RFPL4A: variants seen among roughly 807,000 people sequenced by gnomAD.
RFPL4A encodes the protein ret finger protein like 4A.
A neutral mutation model predicts 8.3 loss-of-function variants in RFPL4A; 4 were observed. The ratio of observed to expected loss-of-function variants is 0.48; its 90% confidence interval spans 0.24 to 1.10. RFPL4A has a LOEUF of 1.10. RFPL4A is among the 50% of genes least tolerant of loss of function. The pLI is 0.18. For missense variants in RFPL4A, 111 were observed against 358.7 expected (o/e 0.31, Z 5.58); for synonymous variants, 43 against 136.6 (o/e 0.31, Z 4.78).
chr19:55,759,728 T>G lies in RFPL4A; in HGVS notation c.-10+553T>G, dbSNP rs529712187. Reference sequence around the variant, plus strand: ...TTTTGAGACAGGGTCTCGCTCTGTCTGCCAGGCTGGAGTGCAGTGGCTATT... The same window carrying G: ...TTTTGAGACAGGGTCTCGCTCTGTCGGCCAGGCTGGAGTGCAGTGGCTATT... On this transcript the variant is annotated intron_variant, in intron 1 of 2. Transcript: ENST00000434937. 9.2e-5 allele frequency among the ~76,000 whole-genome samples: 14 copies of G among 151,562 alleles called. No homozygotes were observed. The East Asian group carries it at 2.8e-3, about 30-fold the overall frequency.
At position 55,759,886 on chromosome 19, in the gene RFPL4A, T is replaced by C. The variant is rs796628008; in HGVS notation, c.-10+711T>C. 2.6e-5 allele frequency among the ~76,000 whole-genome samples: 4 copies of C among 151,742 alleles called. 1 individual carries two copies. The highest frequency in any genetic ancestry group is 7.3e-5 in the African/African-American group (3 of 41,282). On this transcript the variant is annotated intron_variant, in intron 1 of 2. Transcript: ENST00000434937. ...CATCCACATTGGTGCAATGCCAGAA[T>C]TGCCTTCTTTTTTATGGTAGAATAA...
rs1989293127 is a variant in RFPL4A, at chr19:55,761,943, T to C, written c.143T>C (p.Leu48Pro). The stretch of plus-strand genomic sequence containing the variant: ...AAGGAGCCCGATGGGGAAGGTTTAC[T>C]GTGCCGTTTCTGCTCTGTGGTCTCT... ...LQKEPDGEGL[L>P]CRFCSVVSQK... Residue 48 changes from leucine to proline, a missense_variant, in exon 2 of 3, where the codon CTG (leucine) becomes CCG (proline). Physicochemically the swap from Leu to Pro is moderately conservative, Grantham distance 98. Transcript: ENST00000434937. 1.3e-6 allele frequency: 2 copies of C among 1,515,904 alleles called. No individual in the cohort carries two copies. Among genetic ancestry groups the C allele is most frequent in the East Asian group, 2.5e-5 (1 of 40,738 alleles). 93.9% of individuals were successfully genotyped at this position (1,515,904 alleles called of 1,614,324 possible).
chr19:55,760,256 A>T (rs114665059), intron 1 of RFPL4A, among the ~76,000 whole-genome samples: 3,619 of 151,564 alleles, frequency 0.024, 214 homozygotes, highest in African/African-American at 0.083. Flanking sequence ...TTAATATCTC[A>T]TCGCGGTTTT....
Position 55,762,174 on chromosome 19 carries a change from C to T in RFPL4A, c.286+88C>T. The T allele has an allele frequency of 1.1e-5, 16 of 1,399,270 alleles. 1 individual carries two copies. The highest frequency in any genetic ancestry group is 1.6e-5 in the Non-Finnish European group (16 of 1,024,028). The allele number at this position is 1,399,270 out of a possible 1,614,324, so 86.7% of individuals were successfully genotyped here. ...TTTCTTCATTAAACATAGGCATTAG[C>T]AGGATATCTAGCATCTAAAACTTCC... On this transcript the variant is annotated intron_variant, in intron 2 of 2. Coordinates refer to ENST00000434937, the MANE Select transcript of RFPL4A (RefSeq NM_001145014.2).
rs1989287138 is a variant in RFPL4A at position 55,761,760 on chromosome 19, A to G, written c.-9-32A>G. 6 of 1,419,160 alleles carry G rather than the reference A, an allele frequency of 4.2e-6. No homozygotes were observed. The South Asian group carries it at 6.2e-5, about 15-fold the overall frequency. 87.9% of individuals were successfully genotyped at this position (1,419,160 alleles called of 1,614,324 possible). On this transcript the variant is annotated intron_variant, in intron 1 of 2. Transcript: ENST00000434937. ...TCAGCTGTTCATTCAGCTCGTGGAA[A>G]TTCTAATTCTGTGTTCATTTTTTTT...
At position 55,762,046 on chromosome 19, in the gene RFPL4A, A is replaced by G. The variant is rs749265868; in HGVS notation, c.246A>G (p.Lys82=). ...TCAAGGAACTAGAGCCCAAGCTGAA[A>G]TCTGTTCTAACAATGAACCCAAGGA... ...SIIKELEPKL[K]SVLTMNPRMR... Residue 82 remains lysine, a synonymous_variant, in exon 2 of 3, where the codon AAA becomes AAG. Coordinates refer to ENST00000434937, the MANE Select transcript of RFPL4A (RefSeq NM_001145014.2). 10 of 1,487,988 alleles carry G rather than the reference A, an allele frequency of 6.7e-6. No homozygotes were observed. The highest frequency in any genetic ancestry group is 9.1e-6 in the Non-Finnish European group (10 of 1,103,026). The allele number at this position is 1,487,988 out of a possible 1,614,324, so 92.2% of individuals were successfully genotyped here. A position where few individuals can be genotyped will look rare whatever the true frequency, so the allele number is the denominator to read the frequency against.
intron 1 of RFPL4A, among the ~76,000 whole-genome samples, chr19:55,761,527 T>C (rs529321860): frequency 0.011 from 1,584 of 142,308 alleles, 146 homozygotes; most frequent in African/African-American, 0.04. Context: ...TATGAAACAG[T>C]TCAGGTGTAG....
intron 2 of RFPL4A, among the ~76,000 whole-genome samples, chr19:55,762,361 C>G (rs963856167): frequency 2.0e-5 from 3 of 150,754 alleles, no homozygotes; most frequent in Admixed American, 6.6e-5. Flanking sequence ...TAACTTATTT[C>G]GAAAGGCATT....
chr19:55,759,435 G>A (rs937610650), intron 1 of RFPL4A, among the ~76,000 whole-genome samples: 4 of 151,846 alleles, frequency 2.6e-5, no homozygotes, highest in Non-Finnish European at 5.9e-5. Flanking sequence ...GATGGACAGA[G>A]GTTCGGTGGC....
In RFPL4A at chr19:55,761,380, G is replaced by A. The variant is rs375747270; in HGVS notation, c.-9-412G>A. Among the ~76,000 whole-genome samples the A allele has an allele frequency of 7.3e-5, 10 of 136,538 alleles. 2 individuals are homozygous for A. Among genetic ancestry groups the A allele is most frequent in the Admixed American group, 4.3e-4 (6 of 14,012 alleles). The allele number at this position is 136,538 out of a possible 152,430, so 89.6% of individuals were successfully genotyped here. ...GTTTAACATGTGAGCAACTTTAAAC[G>A]TTCTCAAGCAGATAGTTTACGTTCT... On this transcript the variant is annotated intron_variant, in intron 1 of 2. Coordinates refer to ENST00000434937, the MANE Select transcript of RFPL4A (RefSeq NM_001145014.2).
At chr19:55,757,310 A>T (rs762616653), upstream of RFPL4A, among the ~76,000 whole-genome samples, 3 of 151,996 alleles carry the variant, frequency 2.0e-5, no homozygotes, top group Admixed American at 6.6e-5. Flanking sequence ...CCCACATGGC[A>T]CATCTATACC....
chr19:55,762,290 C>T (rs1989301607), intron 2 of RFPL4A, among the ~76,000 whole-genome samples: 1 of 150,692 alleles, frequency 6.6e-6, no homozygotes, highest in African/African-American at 2.5e-5. Flanking sequence ...GAGCAAGCTC[C>T]TGTCTTCTTT....
At chr19:55,758,332 T>C (rs1989213606), upstream of RFPL4A, among the ~76,000 whole-genome samples, 1 of 152,276 alleles carries the variant, frequency 6.6e-6, no homozygotes, top group Non-Finnish European at 1.5e-5. Flanking sequence ...AGACTATTAA[T>C]TTAATCACAT....
At chr19:55,758,430 A>C (rs1423284435), upstream of RFPL4A, among the ~76,000 whole-genome samples, 9 of 152,010 alleles carry the variant, frequency 5.9e-5, no homozygotes, top group East Asian at 7.7e-4. Context: ...TAATATATTT[A>C]ATACATGAGG....
intron 1 of RFPL4A, among the ~76,000 whole-genome samples, chr19:55,761,143 G>A (rs547944862): frequency 9.5e-6 from 1 of 105,724 alleles, no homozygotes; most frequent in South Asian, 3.0e-4. Context: ...CGACTTATTT[G>A]TATTTTGTGT....
rs1210919589 is a variant in RFPL4A, at chr19:55,761,355, G to T, written c.-9-437G>T. Among the ~76,000 whole-genome samples the T allele has an allele frequency of 1.2e-4, 16 of 135,964 alleles. 5 individuals carry two copies. Among genetic ancestry groups the T allele is most frequent in the Non-Finnish European group, 1.6e-4 (10 of 60,982 alleles). 89.2% of individuals were successfully genotyped at this position (135,964 alleles called of 152,430 possible). On this transcript the variant is annotated intron_variant, in intron 1 of 2. Coordinates refer to ENST00000434937, the MANE Select transcript of RFPL4A (RefSeq NM_001145014.2). ...GAATTTTAACTCAAAATATAATATC[G>T]TTTAACATGTGAGCAACTTTAAACG...
intron 1 of RFPL4A, 129 bp downstream of exon 1, chr19:55,759,304 G>T (rs997412976): frequency 6.6e-6 from 1 of 152,216 alleles, no homozygotes; most frequent in African/African-American, 2.4e-5. Context: ...ATTTCTGGAG[G>T]ATAAGGGGAC....
rs763840155 is a variant in RFPL4A, at chr19:55,762,864, G to A, written c.553G>A (p.Gly185Ser). Reference sequence around the variant, plus strand: ...GAAGATTGTGCTTTCTTCAGAACACGGCTTCTTGACTGTGGGTTGCAGAGA... The same window carrying A: ...GAAGATTGTGCTTTCTTCAGAACACAGCTTCTTGACTGTGGGTTGCAGAGA... The part of the protein sequence containing the change: ...QGKIVLSSEH[G>S]FLTVGCREGK... Residue 185 changes from glycine (G) to serine (S), a missense_variant, in exon 3 of 3, where the codon GGC becomes AGC. Coordinates refer to ENST00000434937, the MANE Select transcript of RFPL4A (RefSeq NM_001145014.2). 8 of 1,502,226 alleles carry A rather than the reference G, an allele frequency of 5.3e-6. No individual in the cohort carries two copies. The African/African-American group carries it at 5.8e-5, about 11-fold the overall frequency. 93.1% of individuals were successfully genotyped at this position (1,502,226 alleles called of 1,614,324 possible).
At chr19:55,758,496 G>A (rs1330107027), upstream of RFPL4A, among the ~76,000 whole-genome samples, 1 of 151,668 alleles carries the variant, frequency 6.6e-6, no homozygotes, top group South Asian at 2.1e-4. Context: ...CTTATGTTGT[G>A]ATGTAAGGGA....
Sources: allele counts gnomAD v4.1 joint callset (sites outside exome capture counted in the v4.1 genomes callset), GRCh38; gene constraint gnomAD v4.1.1; transcripts MANE v1.5; gene names NCBI Gene and HGNC (gene_info 2026-07-23, HGNC 2026-07-21).